The following ATP2C1 variants were observed in gnomAD, a reference collection of about 807,000 sequenced individuals.
ATP2C1 encodes the protein ATPase secretory pathway Ca2+ transporting 1.
A neutral mutation model predicts 120.5 loss-of-function variants in ATP2C1; 31 were observed. The observed-to-expected ratio is 0.26, with a 90% CI of 0.19 to 0.35. The LOEUF (loss-of-function observed/expected upper bound fraction) is 0.35, where lower values mean the gene tolerates loss of function less well. Among genes scored for constraint, ATP2C1 ranks in the 10% least tolerant of loss-of-function variants. ATP2C1 has a pLI of 1.00. For missense variants in ATP2C1, 731 were observed against 1,107.5 expected, an observed-to-expected ratio of 0.66 and a Z score of 4.83; for synonymous variants, 351 against 358.7, an observed-to-expected ratio of 0.98 and a Z score of 0.24.
intron 20 of ATP2C1, among the ~76,000 whole-genome samples, chr3:130,981,880 AT>A (rs1283229569): frequency 6.6e-6 from 1 of 152,166 alleles, no homozygotes; most frequent in Non-Finnish European, 1.5e-5. Context: ...TGCCCTGCCT[AT>A]TTTTTAAAAA....
At position 131,000,645 on chromosome 3, in the gene ATP2C1, A is replaced by T. The variant is rs539119854; in HGVS notation, c.2630-575A>T. Among the ~76,000 whole-genome samples, 28 of 152,322 alleles carry T rather than the reference A, an allele frequency of 1.8e-4. No individual in the cohort carries two copies. In the South Asian group the frequency reaches 5.6e-3, roughly 30 times the overall value. On this transcript the variant is annotated intron_variant, in intron 27 of 27. Transcript: ENST00000510168. ...GATACTGTTAAAGGCTAGCCACATA[A>T]GGTTTCAGGGAAAGTGGTCAGAGGA...
chr3:130,952,054 A>G (rs2060392406), intron 8 of ATP2C1, among the ~76,000 whole-genome samples: 2 of 152,016 alleles, frequency 1.3e-5, no homozygotes, highest in African/African-American at 4.8e-5. Context: ...CACTCTCCCT[A>G]ATTATGGCCC....
At chr3:130,874,655 GTTTA>G (rs2068543269) in intron 1 of ATP2C1, among the ~76,000 whole-genome samples, 2 of 152,148 alleles carry the variant, frequency 1.3e-5, no homozygotes, top group Admixed American at 6.5e-5. Flanking sequence ...CCCAGAGTTG[GTTTA>G]TTTGTTAGCT....
intron 20 of ATP2C1, among the ~76,000 whole-genome samples, chr3:130,989,269 AC>A (rs1560019426): frequency 2.7e-5 from 4 of 147,798 alleles, no homozygotes; most frequent in African/African-American, 7.6e-5. Flanking sequence ...AAACAAAAAA[AC>A]AAACACACAA....
rs1000564902 is a variant in ATP2C1 at position 131,002,429 on chromosome 3, T to G, written c.*1079T>G. On this transcript the variant is annotated 3_prime_UTR_variant, in exon 28 of 28. Transcript: ENST00000510168. ...TCTTGCTCTGTGTGCATCTGAAGCT[T>G]CTTTGGCCTAGATTTTAGCACAAAC... 2 of 985,418 alleles carry G rather than the reference T, an allele frequency of 2.0e-6. No homozygotes were observed. The highest frequency in any genetic ancestry group is 2.4e-6 in the Non-Finnish European group (2 of 829,928). The allele number at this position is 985,418 out of a possible 1,614,324, so 61.0% of individuals were successfully genotyped here. A position where few individuals can be genotyped will look rare whatever the true frequency, so the allele number is the denominator to read the frequency against.
In ATP2C1 at chr3:130,854,842, T is replaced by C. The variant is rs115593862; in HGVS notation, c.108+3914T>C. Among the ~76,000 whole-genome samples, 1,194 of 152,312 alleles carry C rather than the reference T, an allele frequency of 7.8e-3. 20 individuals carry two copies. Among genetic ancestry groups the C allele is most frequent in the African/African-American group, 0.027 (1,140 of 41,564 alleles). ...CACCTATTTGCTGAAAACTCCCAAA[T>C]GTTTATACCCAGAGCACTTCAGCCT... On this transcript the variant is annotated intron_variant, in intron 1 of 26. Transcript: ENST00000504381.
intron 8 of ATP2C1, among the ~76,000 whole-genome samples, chr3:130,942,462 G>C (rs1319598229): frequency 6.6e-6 from 1 of 152,178 alleles, no homozygotes; most frequent in Non-Finnish European, 1.5e-5. Context: ...TTAGTATGCA[G>C]GTCTTATCCA....
intron 1 of ATP2C1, among the ~76,000 whole-genome samples, chr3:130,886,277 G>C (rs2068970210): frequency 6.6e-6 from 1 of 151,576 alleles, no homozygotes; most frequent in Admixed American, 6.6e-5. Flanking sequence ...CTTTACCCTT[G>C]ACTTTTGGGA....
intron 20 of ATP2C1, among the ~76,000 whole-genome samples, chr3:130,981,494 A>C (rs1012680873): frequency 1.3e-5 from 2 of 152,244 alleles, no homozygotes; most frequent in African/African-American, 4.8e-5. Context: ...GATGCTGTCA[A>C]CATTTGTGTA....
At chr3:130,941,204 G>A (rs955779863) in intron 7 of ATP2C1, among the ~76,000 whole-genome samples, 22 of 151,556 alleles carry the variant, frequency 1.5e-4, no homozygotes, top group African/African-American at 5.1e-4. Context: ...GTGAGCCACC[G>A]CGCCCGGCTG....
chr3:130,898,489 T>C (rs962627433), intron 2 of ATP2C1, among the ~76,000 whole-genome samples: 2 of 152,150 alleles, frequency 1.3e-5, no homozygotes, highest in African/African-American at 4.8e-5. Flanking sequence ...GTGGGAAATA[T>C]AGTTTATGTT....
intron 1 of ATP2C1, among the ~76,000 whole-genome samples, chr3:130,862,330 A>G (rs1159333507): frequency 6.8e-6 from 1 of 147,478 alleles, no homozygotes; most frequent in Non-Finnish European, 1.5e-5. Flanking sequence ...TTATTTATTT[A>G]TTTATTTATT....
chr3:130,935,289 A>G (rs546300180), intron 5 of ATP2C1, among the ~76,000 whole-genome samples: 1 of 152,298 alleles, frequency 6.6e-6, no homozygotes, highest in South Asian at 2.1e-4. Flanking sequence ...TGCAGTTGAG[A>G]ATATATTTTG....
intron 2 of ATP2C1, among the ~76,000 whole-genome samples, chr3:130,913,660 A>G (rs2108154593): frequency 1.3e-5 from 2 of 152,232 alleles, no homozygotes; most frequent in East Asian, 3.9e-4. Flanking sequence ...AAGGATGAAA[A>G]GATTCTTTGC....
chr3:130,894,862 A>G lies in ATP2C1; in HGVS notation c.6+87A>G. The G allele has an allele frequency of 2.3e-6, 3 of 1,325,524 alleles. No homozygotes were observed. Among genetic ancestry groups the G allele is most frequent in the Admixed American group, 3.4e-5 (2 of 59,588 alleles). The allele number at this position is 1,325,524 out of a possible 1,614,324, so 82.1% of individuals were successfully genotyped here. Reference sequence around the variant, plus strand: ...GTTGTCTTTGTTTTTCCACCTTTTTATTTTCGTGAGCTTATTTATTTACTG... The same window carrying G: ...GTTGTCTTTGTTTTTCCACCTTTTTGTTTTCGTGAGCTTATTTATTTACTG... On this transcript the variant is annotated intron_variant, in intron 2 of 27. Transcript: ENST00000510168. This position sits in a 1 kb window ranked among gnomAD's most constrained non-coding sequence, Gnocchi z 4.5.
chr3:130,905,827 C>T (rs1199143146), intron 2 of ATP2C1, among the ~76,000 whole-genome samples: 1 of 152,064 alleles, frequency 6.6e-6, no homozygotes, highest in Admixed American at 6.6e-5. Flanking sequence ...TGTGCTTTGG[C>T]AATCATTCTC....
chr3:130,872,743 C>A (rs1427636298), intron 1 of ATP2C1, among the ~76,000 whole-genome samples: 3 of 152,134 alleles, frequency 2.0e-5, no homozygotes, highest in Non-Finnish European at 4.4e-5. Context: ...TACCACCACA[C>A]CTGGCTAATT....
At chr3:130,851,575 A>G (rs2067677796) in intron 1 of ATP2C1, among the ~76,000 whole-genome samples, 2 of 152,202 alleles carry the variant, frequency 1.3e-5, no homozygotes, top group South Asian at 4.1e-4. Flanking sequence ...ATTTAAAATC[A>G]TGCAGTCATT....
chr3:131,013,027 A>C (rs2063391554), intron 26 of ATP2C1, among the ~76,000 whole-genome samples: 1 of 152,212 alleles, frequency 6.6e-6, no homozygotes, highest in South Asian at 2.1e-4. Context: ...CCAGTGGGAG[A>C]GTACAGAAGG....
Sources: gnomAD v4.1 joint callset for allele counts (sites outside exome capture counted in the v4.1 genomes callset) on GRCh38, gnomAD v4.1.1 for gene constraint, Gnocchi (gnomAD v3.1) non-coding constraint, MANE v1.5 for transcripts, NCBI Gene and HGNC (gene_info 2026-07-23, HGNC 2026-07-21) for gene names.